PLD5: variants seen among roughly 807,000 people sequenced by gnomAD.
PLD5 encodes inactive phospholipase D5.
Under a neutral mutation model 61.1 loss-of-function variants are expected in PLD5, and 36 were observed. That is an observed-to-expected ratio of 0.59 (90% CI 0.45 to 0.78). The LOEUF is 0.78. Among genes scored for constraint, PLD5 ranks in the 30% least tolerant of loss-of-function variants. The pLI is 0.00. For missense variants in PLD5, 515 were observed against 644.4 expected (o/e 0.80, Z 2.17); for synonymous variants, 243 against 242.8 (o/e 1.00, Z -0.01).
At chr1:242,502,348 T>C (rs1668581208) in intron 1 of PLD5, among the ~76,000 whole-genome samples, 1 of 152,162 alleles carries the variant, frequency 6.6e-6, no homozygotes, top group Admixed American at 6.5e-5. Flanking sequence ...TTCCCATATC[T>C]AATTAGTAGC....
chr1:242,486,273 C>A (rs1489331722), intron 1 of PLD5, among the ~76,000 whole-genome samples: 1 of 152,150 alleles, frequency 6.6e-6, no homozygotes, highest in South Asian at 2.1e-4. Flanking sequence ...TCAGAGTGAA[C>A]AGGAAACCTA....
intron 5 of PLD5, chr1:242,188,809 G>A (rs1469309560): frequency 6.6e-6 from 1 of 152,130 alleles, no homozygotes; most frequent in East Asian, 1.9e-4. Flanking sequence ...ATCTTGATAT[G>A]GTGTTGCAGA....
intron 1 of PLD5, among the ~76,000 whole-genome samples, chr1:242,485,794 ATGC>A (rs1296384703): frequency 1.5e-4 from 23 of 152,360 alleles, no homozygotes; most frequent in Admixed American, 1.4e-3. Context: ...TGGAGGCATC[ATGC>A]TACCTGACTT....
Position 242,292,711 on chromosome 1 carries a change from A to G in PLD5, c.327-4181T>C, listed in dbSNP as rs542839307. Among the ~76,000 whole-genome samples, 19 of 152,274 alleles carry G rather than the reference A, an allele frequency of 1.2e-4. No homozygotes were observed. The East Asian group carries it at 1.9e-3, about 15-fold the overall frequency. On this transcript the variant is annotated intron_variant, in intron 2 of 9. Transcript: ENST00000536534. ...CCATAAGAACATTAATGAAACCTGC[A>G]ATTTTGTCTCCACTAAAAATTTTCC...
intron 1 of PLD5, among the ~76,000 whole-genome samples, chr1:242,480,842 C>G (rs1302503541): frequency 1.3e-5 from 2 of 152,184 alleles, no homozygotes; most frequent in Non-Finnish European, 2.9e-5. Flanking sequence ...AATGAAGGCT[C>G]TACATAGCAT....
intron 5 of PLD5, among the ~76,000 whole-genome samples, chr1:242,194,789 A>G (rs112227353): frequency 0.012 from 1,752 of 152,262 alleles, 33 homozygotes; most frequent in African/African-American, 0.038. Context: ...GGAAAACCAA[A>G]CATCAGGCAT....
intron 6 of PLD5, among the ~76,000 whole-genome samples, chr1:242,115,251 C>A (rs938835105): frequency 6.6e-6 from 1 of 152,110 alleles, no homozygotes; most frequent in African/African-American, 2.4e-5. Flanking sequence ...CTGAAAGCAT[C>A]CCTGCTGACC....
chr1:242,304,796 C>A (rs1353589698), intron 2 of PLD5, among the ~76,000 whole-genome samples: 1 of 152,162 alleles, frequency 6.6e-6, no homozygotes, highest in Non-Finnish European at 1.5e-5. Context: ...AAACAAATAA[C>A]AGTTTTTGGT....
chr1:242,138,804 A>T (rs1663942550), intron 5 of PLD5, among the ~76,000 whole-genome samples: 1 of 152,178 alleles, frequency 6.6e-6, no homozygotes, highest in Non-Finnish European at 1.5e-5. Flanking sequence ...CTCTGGGGAA[A>T]GAGTCTTTAC....
At chr1:242,297,174 T>C (rs1463208033) in intron 2 of PLD5, among the ~76,000 whole-genome samples, 1 of 151,890 alleles carries the variant, frequency 6.6e-6, no homozygotes, top group Non-Finnish European at 1.5e-5. Context: ...TGAAAACCCA[T>C]CTCTACTAAA....
At chr1:242,385,941 T>G (rs1438092365) in intron 1 of PLD5, among the ~76,000 whole-genome samples, 2 of 152,104 alleles carry the variant, frequency 1.3e-5, no homozygotes, top group Non-Finnish European at 2.9e-5. Flanking sequence ...AAATGTAGTG[T>G]CTCCTGGTTC....
chr1:242,443,966 G>A (rs1363837453), intron 1 of PLD5, among the ~76,000 whole-genome samples: 1 of 152,080 alleles, frequency 6.6e-6, no homozygotes, highest in Non-Finnish European at 1.5e-5. Context: ...TGGCTTCTGT[G>A]TCTTCTCACC....
intron 3 of PLD5, among the ~76,000 whole-genome samples, chr1:242,278,420 C>T (rs563803232): frequency 2.6e-5 from 4 of 152,200 alleles, no homozygotes; most frequent in Admixed American, 1.3e-4. Context: ...AATGATAATG[C>T]TTATGAGTTT....
At chr1:242,340,495 T>A (rs1204658048) in intron 2 of PLD5, among the ~76,000 whole-genome samples, 7 of 150,740 alleles carry the variant, frequency 4.6e-5, no homozygotes, top group African/African-American at 9.8e-5. Flanking sequence ...CAAAGTAAGA[T>A]GAAAGTAAAA....
chr1:242,355,005 G>A (rs1324272079), intron 1 of PLD5, among the ~76,000 whole-genome samples: 1 of 151,974 alleles, frequency 6.6e-6, no homozygotes, highest in African/African-American at 2.4e-5. Flanking sequence ...CTTTTCATGT[G>A]TTGTTGAATT....
intron 1 of PLD5, among the ~76,000 whole-genome samples, chr1:242,491,909 G>T (rs1283603317): frequency 6.6e-6 from 1 of 152,082 alleles, no homozygotes; most frequent in Non-Finnish European, 1.5e-5. Flanking sequence ...TTCTTATAAT[G>T]CTGCAATTAT....
At chr1:242,244,949 T>C (rs1237340420) in intron 4 of PLD5, among the ~76,000 whole-genome samples, 2 of 152,252 alleles carry the variant, frequency 1.3e-5, no homozygotes, top group East Asian at 1.9e-4. Context: ...TAGCCACTTA[T>C]GACTTCCGAA....
chr1:242,366,691 C>T (rs1225749063), intron 1 of PLD5, among the ~76,000 whole-genome samples: 5 of 152,046 alleles, frequency 3.3e-5, no homozygotes, highest in Admixed American at 1.3e-4. Flanking sequence ...ATAAATTCAG[C>T]GTTGGATATG....
intron 1 of PLD5, among the ~76,000 whole-genome samples, chr1:242,394,523 T>G (rs1457804245): frequency 3.8e-5 from 2 of 52,322 alleles, no homozygotes; most frequent in African/African-American, 1.8e-4. Context: ...AACATATATA[T>G]GTGTATATAT....
Sources: allele counts gnomAD v4.1 joint callset (sites outside exome capture counted in the v4.1 genomes callset), GRCh38; gene constraint gnomAD v4.1.1; transcripts MANE v1.5; gene names NCBI Gene and HGNC (gene_info 2026-07-23, HGNC 2026-07-21).